KCNAB1: variants seen among roughly 807,000 people sequenced by gnomAD.
KCNAB1 encodes the protein potassium voltage-gated channel subfamily A regulatory beta subunit 1, also known as voltage-gated potassium channel subunit beta-1.
A neutral mutation model predicts 64.6 loss-of-function variants in KCNAB1; 35 were observed. That is an observed-to-expected ratio of 0.54 (90% CI 0.41 to 0.72). KCNAB1 has a LOEUF of 0.72. Among genes scored for constraint, KCNAB1 ranks in the 30% least tolerant of loss-of-function variants. The pLI is 0.00. For synonymous variants in KCNAB1, 177 were observed against 183.8 expected (o/e 0.96, Z 0.30); for missense variants, 401 against 512.9 (o/e 0.78, Z 2.11).
chr3:156,478,704 C>T (rs748147161), intron 8 of KCNAB1, among the ~76,000 whole-genome samples: 4 of 152,114 alleles, frequency 2.6e-5, no homozygotes, highest in Admixed American at 6.6e-5. Flanking sequence ...TGATGTTAAT[C>T]GGGAACATTT....
At chr3:156,248,000 A>G (rs562965055) in intron 1 of KCNAB1, among the ~76,000 whole-genome samples, 1 of 152,306 alleles carries the variant, frequency 6.6e-6, no homozygotes, top group South Asian at 2.1e-4. Flanking sequence ...GCTTGGCTCA[A>G]CAAATATCTT....
chr3:156,298,684 G>A (rs1720954937), intron 1 of KCNAB1, among the ~76,000 whole-genome samples: 1 of 152,124 alleles, frequency 6.6e-6, no homozygotes, highest in African/African-American at 2.4e-5. Context: ...ATTTATTTGA[G>A]TACCCTTTAA....
intron 2 of KCNAB1, among the ~76,000 whole-genome samples, chr3:156,442,034 G>A (rs909897410): frequency 3.3e-5 from 5 of 152,042 alleles, no homozygotes; most frequent in South Asian, 4.1e-4. Context: ...ACTAAAACAC[G>A]CAGAGAAGAA....
intron 1 of KCNAB1, among the ~76,000 whole-genome samples, chr3:156,351,903 G>A (rs1724886734): frequency 6.6e-6 from 1 of 152,206 alleles, no homozygotes; most frequent in Non-Finnish European, 1.5e-5. Context: ...GCTCCCGCTT[G>A]GCTTTGAGTC....
chr3:156,383,842 G>C (rs965856846), intron 1 of KCNAB1, among the ~76,000 whole-genome samples: 1 of 152,136 alleles, frequency 6.6e-6, no homozygotes, highest in East Asian at 1.9e-4. Flanking sequence ...AGCGTTTTTC[G>C]CCCCTGAGCT....
At chr3:156,443,764 ACACACACACACACAC>A (rs1466538202) in intron 2 of KCNAB1, among the ~76,000 whole-genome samples, 2 of 151,312 alleles carry the variant, frequency 1.3e-5, no homozygotes, top group African/African-American at 4.9e-5. Flanking sequence ...ACACACACAC[ACACACACACACACAC>A]ACTATTCTTT....
intron 1 of KCNAB1, among the ~76,000 whole-genome samples, chr3:156,157,897 G>C (rs1052707529): frequency 1.3e-5 from 2 of 151,848 alleles, no homozygotes; most frequent in Non-Finnish European, 2.9e-5. Flanking sequence ...TATAATAAAA[G>C]GGCCGCCTGT....
At chr3:156,267,362 C>T (rs964815407) in intron 1 of KCNAB1, among the ~76,000 whole-genome samples, 6 of 152,138 alleles carry the variant, frequency 3.9e-5, no homozygotes, top group Non-Finnish European at 7.3e-5. Context: ...CTTTTACACT[C>T]CCTGGCCACC....
chr3:156,401,510 A>G (rs1324198705), intron 1 of KCNAB1, among the ~76,000 whole-genome samples: 3 of 152,216 alleles, frequency 2.0e-5, no homozygotes, highest in South Asian at 2.1e-4. Flanking sequence ...CTTGGTGTTG[A>G]AATGTGGCTG....
chr3:156,290,141 T>G (rs1301513076), intron 1 of KCNAB1, among the ~76,000 whole-genome samples: 1 of 152,192 alleles, frequency 6.6e-6, no homozygotes, highest in Non-Finnish European at 1.5e-5. Flanking sequence ...CTTTCTCTAG[T>G]GTACTTAGTG....
chr3:156,391,199 A>T (rs1713015210), intron 1 of KCNAB1, among the ~76,000 whole-genome samples: 2 of 152,160 alleles, frequency 1.3e-5, no homozygotes, highest in Non-Finnish European at 2.9e-5. Context: ...CCAGGTTGAA[A>T]TTTCAGCCCT....
chr3:156,164,672 T>C (rs1716265429), intron 1 of KCNAB1, among the ~76,000 whole-genome samples: 2 of 152,174 alleles, frequency 1.3e-5, no homozygotes, highest in Admixed American at 6.5e-5. Context: ...CCTGTCCAAA[T>C]TGAAAAAGAT....
At chr3:156,229,088 G>T (rs1716362452) in intron 1 of KCNAB1, among the ~76,000 whole-genome samples, 1 of 151,992 alleles carries the variant, frequency 6.6e-6, no homozygotes, top group Non-Finnish European at 1.5e-5. Context: ...TTGAGGGAGA[G>T]GTTTGAAACT....
intron 1 of KCNAB1, among the ~76,000 whole-genome samples, chr3:156,263,393 T>C (rs1028222431): frequency 6.6e-6 from 1 of 152,076 alleles, no homozygotes; most frequent in African/African-American, 2.4e-5. Context: ...ATGGTTTATT[T>C]AGAATAGTCC....
chr3:156,519,148 C>T (rs1334519864), intron 11 of KCNAB1, among the ~76,000 whole-genome samples: 2 of 152,202 alleles, frequency 1.3e-5, no homozygotes, highest in Non-Finnish European at 2.9e-5. Flanking sequence ...CCCATCTGGA[C>T]TCTGATTTCC....
At chr3:156,131,745 A>G (rs1490801636) in intron 1 of KCNAB1, among the ~76,000 whole-genome samples, 2 of 152,204 alleles carry the variant, frequency 1.3e-5, no homozygotes, top group African/African-American at 4.8e-5. Context: ...ACCTTGTTTC[A>G]AAAAAGAGAA....
chr3:156,447,083 T>C (rs1345618698), intron 2 of KCNAB1, among the ~76,000 whole-genome samples: 1 of 152,158 alleles, frequency 6.6e-6, no homozygotes, highest in Non-Finnish European at 1.5e-5. Context: ...TCCCTCCAGA[T>C]AAGCGCCTGG....
chr3:156,244,682 G>C, intron 1 of KCNAB1, among the ~76,000 whole-genome samples: 1 of 152,122 alleles, frequency 6.6e-6, no homozygotes, highest in East Asian at 1.9e-4. Flanking sequence ...ACTTAACCCT[G>C]ATAGATACAC....
rs1368511911 is a variant in KCNAB1, at chr3:156,538,105, T to C, written c.*1358T>C. ...TCCCACTTGAGAAAAATTGTGAGAC[T>C]ATACTGTGTCAATATCTGTAAAAAG... is the stretch of plus-strand genomic sequence containing the variant. On this transcript the variant is annotated 3_prime_UTR_variant, in exon 14 of 14. Transcript: ENST00000490337. 1 of 152,030 alleles carries C rather than the reference T, an allele frequency of 6.6e-6. No individual in the cohort carries two copies. Among genetic ancestry groups the C allele is most frequent in the African/African-American group, 2.4e-5 (1 of 41,410 alleles). The allele number at this position is 152,030 out of a possible 1,614,324, so 9.4% of individuals were successfully genotyped here.
Sources: gnomAD v4.1 joint callset for allele counts (sites outside exome capture counted in the v4.1 genomes callset) on GRCh38, gnomAD v4.1.1 for gene constraint, MANE v1.5 for transcripts, NCBI Gene and HGNC (gene_info 2026-07-23, HGNC 2026-07-21) for gene names.